The following HMGCLL1 variants were observed in gnomAD, a reference collection of about 807,000 sequenced individuals.
The protein encoded by HMGCLL1 is 3-hydroxymethyl-3-methylglutaryl-CoA lyase, cytoplasmic.
HMGCLL1 carries 36 observed loss-of-function variants against 39.1 expected under a neutral mutation model. The ratio of observed to expected loss-of-function variants is 0.92; its 90% CI spans 0.71 to 1.22. The LOEUF (loss-of-function observed/expected upper bound fraction) is 1.22, where lower values mean the gene tolerates loss of function less well. Among genes scored for constraint, HMGCLL1 ranks in the 50% most tolerant of loss-of-function variants. The probability of loss-of-function intolerance (pLI) is 0.00; values close to 1 mark genes in which losing one functional copy is unlikely to be tolerated. For synonymous variants in HMGCLL1, 149 were observed against 144.0 expected, an observed-to-expected ratio of 1.03 and a Z score of -0.25; for missense variants, 451 against 416.5, an observed-to-expected ratio of 1.08 and a Z score of -0.72.
rs563943035 is a variant in HMGCLL1 at position 55,468,125 on chromosome 6, A to G, written c.795+27294T>C. 7.0e-4 allele frequency among the ~76,000 whole-genome samples: 106 copies of G among 152,116 alleles called. 1 individual carries two copies. The highest frequency in any genetic ancestry group is 2.5e-3 in the African/African-American group (105 of 41,542). ...TGAGGGCAACCTAACAAGGGTTGGGATCTCTTTTGCAGACTCGATATTAAG... is the reference window on the plus strand; with the variant it reads ...TGAGGGCAACCTAACAAGGGTTGGGGTCTCTTTTGCAGACTCGATATTAAG... On this transcript the variant is annotated intron_variant, in intron 7 of 8. Coordinates refer to ENST00000274901, the MANE Select transcript of HMGCLL1 (RefSeq NM_001042406.2).
chr6:55,599,594 G>T, the HMGCLL1 span, among the ~76,000 whole-genome samples: 1 of 151,962 alleles, frequency 6.6e-6, no homozygotes, highest in Non-Finnish European at 1.5e-5. Context: ...GAAATCTACC[G>T]CAATTAAAGA....
the HMGCLL1 span, among the ~76,000 whole-genome samples, chr6:55,620,077 C>T: frequency 6.6e-6 from 1 of 151,856 alleles, no homozygotes; most frequent in Non-Finnish European, 1.5e-5. Context: ...TTTTATTATC[C>T]ATTCATTTGT....
the HMGCLL1 span, among the ~76,000 whole-genome samples, chr6:55,628,331 T>C: frequency 6.7e-6 from 1 of 148,894 alleles, no homozygotes; most frequent in Non-Finnish European, 1.5e-5. Context: ...AGACAGAGTC[T>C]TGCTCTGTCA....
the HMGCLL1 span, among the ~76,000 whole-genome samples, chr6:55,636,379 G>A: frequency 3.0e-4 from 45 of 152,122 alleles, no homozygotes; most frequent in Non-Finnish European, 6.5e-4. Context: ...TGAGTAAAAT[G>A]TACAGTAACT....
chr6:55,487,211 T>C (rs146232644), intron 7 of HMGCLL1, among the ~76,000 whole-genome samples: 1 of 152,074 alleles, frequency 6.6e-6, no homozygotes, highest in Non-Finnish European at 1.5e-5. Context: ...CTTTTTTTTT[T>C]ACAATTTGTG....
intron 7 of HMGCLL1, among the ~76,000 whole-genome samples, chr6:55,455,373 T>C (rs111890092): frequency 2.0e-5 from 3 of 152,176 alleles, no homozygotes; most frequent in Admixed American, 2.0e-4. Context: ...TAATTTTTTT[T>C]TTCTGCCACT....
Position 55,484,866 on chromosome 6 carries a change from T to C in HMGCLL1, c.795+10553A>G, listed in dbSNP as rs1470784027. On this transcript the variant is annotated intron_variant, in intron 7 of 8. Coordinates refer to ENST00000274901, the MANE Select transcript of HMGCLL1 (RefSeq NM_001042406.2). ...TCTAGTCTCAACAGAGCAGTCAGAA[T>C]GATCCCTTTTGAAATGCAAGCCAGG... 3.9e-5 allele frequency among the ~76,000 whole-genome samples: 6 copies of C among 152,092 alleles called. No homozygotes were observed. In the South Asian group the frequency reaches 1.2e-3, roughly 31 times the overall value.
At chr6:55,480,132 A>G (rs1432680919) in intron 7 of HMGCLL1, among the ~76,000 whole-genome samples, 1 of 151,582 alleles carries the variant, frequency 6.6e-6, no homozygotes, top group Admixed American at 6.6e-5. Context: ...AAATAATGTA[A>G]TTTTAAGGGA....
chr6:55,659,724 TA>T, the HMGCLL1 span, among the ~76,000 whole-genome samples: 1 of 151,910 alleles, frequency 6.6e-6, no homozygotes, highest in Non-Finnish European at 1.5e-5. Flanking sequence ...TACAGACATG[TA>T]TCTTTGTTCT....
chr6:55,464,941 T>C (rs1024257261), intron 7 of HMGCLL1, among the ~76,000 whole-genome samples: 1 of 152,164 alleles, frequency 6.6e-6, no homozygotes, highest in Non-Finnish European at 1.5e-5. Context: ...ATCATCAACT[T>C]TCACGAACAA....
chr6:55,491,830 G>A (rs904910038), intron 7 of HMGCLL1, among the ~76,000 whole-genome samples: 32 of 151,832 alleles, frequency 2.1e-4, no homozygotes, highest in Admixed American at 1.9e-3. Flanking sequence ...CACTGGGATC[G>A]ACATGCTCAG....
chr6:55,570,987 A>C (rs945377624), intron 1 of HMGCLL1, among the ~76,000 whole-genome samples: 1 of 152,170 alleles, frequency 6.6e-6, no homozygotes, highest in Non-Finnish European at 1.5e-5. Context: ...AAGCCATCAG[A>C]TCTCATGAGA....
the HMGCLL1 span, among the ~76,000 whole-genome samples, chr6:55,656,843 A>T: frequency 1.8e-4 from 28 of 151,980 alleles, no homozygotes; most frequent in Non-Finnish European, 2.6e-4. Flanking sequence ...CAATGAGTGA[A>T]TGTTGATGAA....
At chr6:55,620,078 A>G in the HMGCLL1 span, among the ~76,000 whole-genome samples, 6 of 151,940 alleles carry the variant, frequency 3.9e-5, 1 homozygote, top group Admixed American at 3.3e-4. Context: ...TTTATTATCC[A>G]TTCATTTGTT....
In HMGCLL1 at chr6:55,476,236, A is replaced by G. The variant is rs1036004836; in HGVS notation, c.795+19183T>C. Among the ~76,000 whole-genome samples the G allele has an allele frequency of 2.0e-5, 3 of 151,580 alleles. No homozygotes were observed. The Admixed American group carries it at 2.0e-4, about 10-fold the overall frequency. ...TCTCTCTGTTTACTTTTATTTATAA[A>G]ACTTCTCTTCATAGTGTTATGTTAC... is the stretch of plus-strand genomic sequence containing the variant. On this transcript the variant is annotated intron_variant, in intron 7 of 8. Transcript: ENST00000274901.
chr6:55,600,863 C>T, the HMGCLL1 span, among the ~76,000 whole-genome samples: 1 of 151,784 alleles, frequency 6.6e-6, no homozygotes, highest in Non-Finnish European at 1.5e-5. Context: ...AGCTATGTTA[C>T]AATGTAAATG....
chr6:55,637,714 A>ATGTGTGTGTGTGTGTGTG, the HMGCLL1 span, among the ~76,000 whole-genome samples: 6 of 148,592 alleles, frequency 4.0e-5, no homozygotes, highest in African/African-American at 1.2e-4. Flanking sequence ...ATAATTTGAT[A>ATGTGTGTGTGTGTGTGTG]TGTGTGTGTG....
upstream of HMGCLL1, among the ~76,000 whole-genome samples, chr6:55,584,036 A>T (rs186344326): frequency 6.6e-6 from 1 of 152,132 alleles, no homozygotes; most frequent in Admixed American, 6.6e-5. Flanking sequence ...TTACATGGCC[A>T]TTTGCTTAAA....
At chr6:55,620,636 C>T in the HMGCLL1 span, among the ~76,000 whole-genome samples, 1 of 148,012 alleles carries the variant, frequency 6.8e-6, no homozygotes, top group Non-Finnish European at 1.5e-5. Context: ...TACACACACA[C>T]ACACACACAG....
Sources: allele counts gnomAD v4.1 joint callset (sites outside exome capture counted in the v4.1 genomes callset), GRCh38; gene constraint gnomAD v4.1.1; transcripts MANE v1.5; gene names NCBI Gene and HGNC (gene_info 2026-07-23, HGNC 2026-07-21).